NREP: variants seen among roughly 807,000 people sequenced by gnomAD.
NREP encodes neuronal regeneration-related protein.
NREP carries 5 observed loss-of-function variants against 8.6 expected under a neutral mutation model. The observed-to-expected ratio is 0.58, with a 90% CI of 0.30 to 1.22. NREP has a LOEUF of 1.22. Among genes scored for constraint, NREP ranks in the 50% most tolerant of loss-of-function variants. The pLI is 0.07. For synonymous variants in NREP, 27 were observed against 28.0 expected, an observed-to-expected ratio of 0.96 and a Z score of 0.11; for missense variants, 86 against 82.5, an observed-to-expected ratio of 1.04 and a Z score of -0.17.
rs1322145962 is a variant in NREP, at chr5:111,786,859, A to G, written c.136-51352T>C. Among the ~76,000 whole-genome samples, 3 of 152,196 alleles carry G rather than the reference A, an allele frequency of 2.0e-5. No homozygotes were observed. In the East Asian group the frequency reaches 5.8e-4, roughly 29 times the overall value. On this transcript the variant is annotated intron_variant, in intron 2 of 3. Transcript: ENST00000395634. ...GCTGTTTTTCTGTACAACAACAGTA[A>G]AGAAGGGCATGAATCTTTGGTGGGC...
intron 2 of NREP, among the ~76,000 whole-genome samples, chr5:111,858,371 G>C (rs1202809432): frequency 6.6e-6 from 1 of 151,880 alleles, no homozygotes; most frequent in East Asian, 1.9e-4. Flanking sequence ...CACAACCCGG[G>C]TCTCTCCCAC....
intron 2 of NREP, among the ~76,000 whole-genome samples, chr5:111,737,869 C>A (rs1261044387): frequency 6.7e-6 from 1 of 150,290 alleles, no homozygotes; most frequent in Non-Finnish European, 1.5e-5. Context: ...CTTTTTTTTT[C>A]ACTATTAGGC....
chr5:111,921,794 G>T (rs966159041), intron 2 of NREP, among the ~76,000 whole-genome samples: 1 of 152,132 alleles, frequency 6.6e-6, no homozygotes, highest in African/African-American at 2.4e-5. Context: ...GGGACCCGGA[G>T]GGAGGTAGGT....
At chr5:111,770,508 A>G (rs1051573047) in intron 2 of NREP, among the ~76,000 whole-genome samples, 11 of 149,616 alleles carry the variant, frequency 7.4e-5, no homozygotes, top group Middle Eastern at 3.5e-3. Context: ...TAACATGCCT[A>G]CAGTTTAGGA....
chr5:111,883,349 C>T (rs546966079), intron 2 of NREP, among the ~76,000 whole-genome samples: 5 of 152,234 alleles, frequency 3.3e-5, no homozygotes, highest in African/African-American at 9.6e-5. Context: ...TACAAAGAGA[C>T]TTAGACTCCC....
At chr5:111,909,683 A>T (rs1008036048) in intron 2 of NREP, among the ~76,000 whole-genome samples, 6 of 152,052 alleles carry the variant, frequency 3.9e-5, no homozygotes, top group African/African-American at 1.2e-4. Flanking sequence ...ATTTCCATTT[A>T]TCCTTTCATA....
intron 2 of NREP, among the ~76,000 whole-genome samples, chr5:111,956,996 T>TAAATAAATAAATAAAA (rs1756342148): frequency 1.3e-5 from 2 of 148,300 alleles, no homozygotes; most frequent in African/African-American, 2.5e-5. Context: ...AATAAATAAA[T>TAAATAAATAAATAAAA]AAAATGCCAG....
At chr5:111,823,435 T>G (rs1463648536) in intron 2 of NREP, among the ~76,000 whole-genome samples, 2 of 152,222 alleles carry the variant, frequency 1.3e-5, no homozygotes, top group African/African-American at 2.4e-5. Context: ...GGAATTAACC[T>G]GAATTTTAAC....
At chr5:111,856,732 ATTTTT>A (rs531248705) in intron 2 of NREP, among the ~76,000 whole-genome samples, 3 of 146,814 alleles carry the variant, frequency 2.0e-5, no homozygotes, top group Middle Eastern at 3.2e-3. Flanking sequence ...TGATACGAAG[ATTTTT>A]TTTTTTTAAC....
At position 111,902,787 on chromosome 5, in the gene NREP, G is replaced by T. The variant is rs1309750514; in HGVS notation, c.135+72487C>A. Among the ~76,000 whole-genome samples the T allele has an allele frequency of 2.0e-5, 3 of 152,136 alleles. No individual in the cohort carries two copies. In the South Asian group the frequency reaches 6.2e-4, roughly 31 times the overall value. ...TTCCTGCTCCTTCTCATCAAACAGA[G>T]CAATCTCGTGAGAGTTTCAATGGGA... On this transcript the variant is annotated intron_variant, in intron 2 of 3. Transcript: ENST00000395634.
intron 2 of NREP, chr5:111,974,274 T>C (rs1048852562): frequency 6.6e-6 from 1 of 152,172 alleles, no homozygotes; most frequent in Non-Finnish European, 1.5e-5. Context: ...GCAAGGAAAA[T>C]ATCATGCTGT....
intron 2 of NREP, among the ~76,000 whole-genome samples, chr5:111,964,372 G>T (rs1040838953): frequency 6.6e-6 from 1 of 151,932 alleles, no homozygotes; most frequent in East Asian, 1.9e-4. Flanking sequence ...CACTGTTTTG[G>T]GGGGGTTTTC....
rs565230128 is a variant in NREP at position 111,782,981 on chromosome 5, C to A, written c.136-47474G>T. Among the ~76,000 whole-genome samples, 9 of 152,238 alleles carry A rather than the reference C, an allele frequency of 5.9e-5. No individual in the cohort carries two copies. In the South Asian group the frequency reaches 1.9e-3, roughly 32 times the overall value. Reference sequence around the variant, plus strand: ...CTCCTGGCCTCAAGTAATCCACCTGCCTCAGCCTCCCAAAATTCTGGGATT... The same window carrying A: ...CTCCTGGCCTCAAGTAATCCACCTGACTCAGCCTCCCAAAATTCTGGGATT... On this transcript the variant is annotated intron_variant, in intron 2 of 3. Transcript: ENST00000395634.
At chr5:111,899,361 A>T (rs1301144716) in intron 2 of NREP, among the ~76,000 whole-genome samples, 1 of 152,112 alleles carries the variant, frequency 6.6e-6, no homozygotes, top group Admixed American at 6.6e-5. Context: ...AGAACATTTA[A>T]AAATTAGTCA....
intron 2 of NREP, among the ~76,000 whole-genome samples, chr5:111,945,223 T>TTA (rs1157918438): frequency 6.6e-6 from 1 of 152,116 alleles, no homozygotes; most frequent in Admixed American, 6.6e-5. Flanking sequence ...TCTAATGCTT[T>TTA]TATCCTAGTT....
chr5:111,945,171 G>A (rs1755941485), intron 2 of NREP, among the ~76,000 whole-genome samples: 1 of 151,964 alleles, frequency 6.6e-6, no homozygotes, highest in African/African-American at 2.4e-5. Flanking sequence ...CTCTTATCAT[G>A]CTATTTCCAA....
At chr5:111,932,886 C>G (rs1755580739) in intron 2 of NREP, among the ~76,000 whole-genome samples, 1 of 151,976 alleles carries the variant, frequency 6.6e-6, no homozygotes, top group South Asian at 2.1e-4. Flanking sequence ...GCCCCACACT[C>G]CTACAGTGAG....
intron 2 of NREP, among the ~76,000 whole-genome samples, chr5:111,889,948 A>G (rs1303684536): frequency 6.6e-6 from 1 of 152,164 alleles, no homozygotes; most frequent in African/African-American, 2.4e-5. Context: ...GGAATTTCAC[A>G]AGGTCAATTG....
At chr5:111,926,809 CCTTT>C (rs1755399172) in intron 2 of NREP, among the ~76,000 whole-genome samples, 1 of 151,802 alleles carries the variant, frequency 6.6e-6, no homozygotes, top group Non-Finnish European at 1.5e-5. Context: ...TATTCTCCTT[CCTTT>C]GTTCCCTGAG....
Sources: gnomAD v4.1 joint callset for allele counts (sites outside exome capture counted in the v4.1 genomes callset) on GRCh38, gnomAD v4.1.1 for gene constraint, MANE v1.5 for transcripts, NCBI Gene and HGNC (gene_info 2026-07-23, HGNC 2026-07-21) for gene names.